Variants in KIF6 observed in about 807,000 individuals in gnomAD.
KIF6 encodes the protein kinesin-like protein KIF6.
In KIF6, 106 loss-of-function variants were observed where a neutral mutation model predicts 112.7. That is an observed-to-expected ratio of 0.94 (90% CI 0.80 to 1.11). The LOEUF (loss-of-function observed/expected upper bound fraction) is 1.11, where lower values mean the gene tolerates loss of function less well. KIF6 is among the 50% of genes least tolerant of loss of function. KIF6 has a pLI of 0.00. For missense variants in KIF6, 929 were observed against 964.0 expected, an observed-to-expected ratio of 0.96 and a Z score of 0.48; for synonymous variants, 339 against 339.9, an observed-to-expected ratio of 1.00 and a Z score of 0.03.
intron 22 of KIF6, among the ~76,000 whole-genome samples, chr6:39,336,907 T>C (rs573219084): frequency 0.04 from 5,518 of 138,674 alleles, 149 homozygotes; most frequent in Non-Finnish European, 0.055. Context: ...TCCTTCCCTT[T>C]CTTCCCTTTC....
At chr6:39,662,387 T>C (rs1264161390) in intron 3 of KIF6, among the ~76,000 whole-genome samples, 1 of 152,212 alleles carries the variant, frequency 6.6e-6, no homozygotes, top group African/African-American at 2.4e-5. Flanking sequence ...GTTTAAAATG[T>C]TTAAGGGAAT....
At chr6:39,481,372 A>T (rs1774787539) in intron 13 of KIF6, among the ~76,000 whole-genome samples, 1 of 152,224 alleles carries the variant, frequency 6.6e-6, no homozygotes, top group East Asian at 1.9e-4. Context: ...TACCTCTTCA[A>T]CATATAAAAT....
chr6:39,560,833 CT>C (rs936880228), intron 10 of KIF6, among the ~76,000 whole-genome samples: 13 of 152,244 alleles, frequency 8.5e-5, no homozygotes, highest in African/African-American at 3.1e-4. Flanking sequence ...AGAAAATAGC[CT>C]TTTTAGGGGC....
At chr6:39,586,430 G>A in intron 7 of KIF6, 26 bp from the exon 8 acceptor site, 1 of 1,601,200 alleles carries the variant, frequency 6.2e-7, no homozygotes, top group Non-Finnish European at 8.5e-7. Flanking sequence ...AAGATAATGG[G>A]ATTAATTTAG....
chr6:39,431,254 G>A, intron 13 of KIF6, 93 bp from the exon 14 acceptor site: 1 of 707,506 alleles, frequency 1.4e-6, no homozygotes, highest in Non-Finnish European at 2.5e-6. Context: ...ACCAGCCCTG[G>A]CTCCAAGAGG....
At chr6:39,653,027 G>A (rs562806623) in intron 3 of KIF6, among the ~76,000 whole-genome samples, 6 of 152,170 alleles carry the variant, frequency 3.9e-5, no homozygotes, top group Non-Finnish European at 7.4e-5. Context: ...TTTTTAAAAT[G>A]CGAGGGCTAA....
At chr6:39,589,229 C>G (rs1243052946) in intron 7 of KIF6, among the ~76,000 whole-genome samples, 1 of 152,236 alleles carries the variant, frequency 6.6e-6, no homozygotes, top group Non-Finnish European at 1.5e-5. Flanking sequence ...TTATTCACAT[C>G]TTTGCTCAAA....
intron 3 of KIF6, among the ~76,000 whole-genome samples, chr6:39,665,169 A>G (rs895681457): frequency 1.3e-5 from 2 of 152,190 alleles, no homozygotes; most frequent in African/African-American, 2.4e-5. Flanking sequence ...ACAACCTAAG[A>G]CGAAATTGAT....
intron 3 of KIF6, among the ~76,000 whole-genome samples, chr6:39,646,195 T>C (rs2150780423): frequency 6.7e-6 from 1 of 149,086 alleles, no homozygotes; most frequent in East Asian, 2.0e-4. Context: ...AAAAAGAATC[T>C]CAAGATACAA....
chr6:39,502,055 A>C (rs1776162468), intron 13 of KIF6, among the ~76,000 whole-genome samples: 2 of 152,132 alleles, frequency 1.3e-5, no homozygotes, highest in Admixed American at 1.3e-4. Flanking sequence ...GTTGAAATGA[A>C]AAAAGAAAAA....
At chr6:39,577,672 T>C (rs1781045300) in intron 10 of KIF6, among the ~76,000 whole-genome samples, 1 of 152,254 alleles carries the variant, frequency 6.6e-6, no homozygotes, top group East Asian at 1.9e-4. Flanking sequence ...AATTGGTGCT[T>C]GTGGCAAGAT....
At chr6:39,588,306 T>C (rs1346184113) in intron 7 of KIF6, among the ~76,000 whole-genome samples, 5 of 152,182 alleles carry the variant, frequency 3.3e-5, no homozygotes, top group Admixed American at 6.5e-5. Context: ...CTTTGCCTCC[T>C]GGGTTCAAGT....
chr6:39,652,537 A>T (rs1785534622), intron 3 of KIF6, among the ~76,000 whole-genome samples: 3 of 151,898 alleles, frequency 2.0e-5, no homozygotes, highest in African/African-American at 7.2e-5. Context: ...CAAAAAAAAA[A>T]AACAAAACAA....
chr6:39,504,176 T>C (rs1448370034), intron 13 of KIF6, among the ~76,000 whole-genome samples: 2 of 152,162 alleles, frequency 1.3e-5, no homozygotes, highest in Admixed American at 6.5e-5. Flanking sequence ...GTAGGCTTCA[T>C]CCCCAGGATG....
chr6:39,696,639 C>T (rs116281019), intron 3 of KIF6, among the ~76,000 whole-genome samples: 10,122 of 151,114 alleles, frequency 0.067, 403 homozygotes, highest in Middle Eastern at 0.11. Flanking sequence ...TGTGTGTGTA[C>T]AGTATATAAT....
At chr6:39,606,841 C>T (rs969820331) in intron 6 of KIF6, among the ~76,000 whole-genome samples, 1 of 152,178 alleles carries the variant, frequency 6.6e-6, no homozygotes, top group Admixed American at 6.6e-5. Context: ...GATCTCATCA[C>T]TCTAACCAAA....
At chr6:39,473,376 C>T (rs56682211) in intron 13 of KIF6, among the ~76,000 whole-genome samples, 11,930 of 152,230 alleles carry the variant, frequency 0.078, 618 homozygotes, top group Middle Eastern at 0.14. Flanking sequence ...GAGGTTTACA[C>T]TTTTTCCCTA....
chr6:39,396,845 A>G (rs1768308884), intron 15 of KIF6, among the ~76,000 whole-genome samples: 1 of 152,210 alleles, frequency 6.6e-6, no homozygotes, highest in African/African-American at 2.4e-5. Flanking sequence ...ATTACAAATA[A>G]CACTGCATGG....
rs1562107988 is a variant in KIF6, at chr6:39,342,619, TTATTTTTTTTTA to T, written c.2428+1078_2428+1089del. Among the ~76,000 whole-genome samples, 8 of 120,766 alleles carry T rather than the reference TTATTTTTTTTTA, an allele frequency of 6.6e-5. 1 individual carries two copies. The highest frequency in any genetic ancestry group is 1.5e-4 in the African/African-American group (4 of 25,808). 79.2% of individuals were successfully genotyped at this position (120,766 alleles called of 152,430 possible). A position where few individuals can be genotyped will look rare whatever the true frequency, so the allele number is the denominator to read the frequency against. On this transcript the variant is annotated intron_variant, in intron 22 of 22. Coordinates refer to ENST00000287152, the MANE Select transcript of KIF6 (RefSeq NM_145027.6). This position sits in a 1 kb window ranked among gnomAD's most constrained non-coding sequence, Gnocchi z 4.7. ...GTTTTTTATTTTTTTTTATTTTTTT[TTATTTTTTTTTA>T]TTTTTAGACAAGGAAACTGAGAATG...
Sources: allele counts gnomAD v4.1 joint callset (sites outside exome capture counted in the v4.1 genomes callset), GRCh38; gene constraint gnomAD v4.1.1; non-coding constraint Gnocchi (gnomAD v3.1); transcripts MANE v1.5; gene names NCBI Gene and HGNC (gene_info 2026-07-23, HGNC 2026-07-21).